DOCK7: variants seen among roughly 807,000 people sequenced by gnomAD.
DOCK7 encodes the protein dedicator of cytokinesis 7.
Under a neutral mutation model 271.0 loss-of-function variants are expected in DOCK7, and 138 were observed. That is an observed-to-expected ratio of 0.51 (90% CI 0.44 to 0.59). The LOEUF is 0.59. DOCK7 is among the 20% of genes least tolerant of loss of function. The pLI is 0.00. For synonymous variants in DOCK7, 823 were observed against 876.1 expected, an observed-to-expected ratio of 0.94 and a Z score of 1.07; for missense variants, 2,066 against 2,592.4, an observed-to-expected ratio of 0.80 and a Z score of 4.41.
At chr1:62,620,040 C>T (rs1652954936) in intron 12 of DOCK7, 47 bp from the exon 13 acceptor site, 2 of 1,494,052 alleles carry the variant, frequency 1.3e-6, no homozygotes, top group Non-Finnish European at 1.9e-6. Context: ...ACAAATATAG[C>T]CAGGCACAGT....
At chr1:62,676,850 A>T (rs903631246) in intron 1 of DOCK7, among the ~76,000 whole-genome samples, 2 of 152,250 alleles carry the variant, frequency 1.3e-5, no homozygotes, top group African/African-American at 2.4e-5. Context: ...GACAAAAGTC[A>T]AAAAGAAAAA....
chr1:62,471,211 A>G (rs926900827), intron 48 of DOCK7, among the ~76,000 whole-genome samples: 1 of 152,152 alleles, frequency 6.6e-6, no homozygotes, highest in Non-Finnish European at 1.5e-5. Context: ...GCTTCCAGTC[A>G]ATAGCAGGCT....
intron 22 of DOCK7, among the ~76,000 whole-genome samples, chr1:62,546,402 A>G (rs1254443184): frequency 6.6e-6 from 1 of 152,108 alleles, no homozygotes; most frequent in African/African-American, 2.4e-5. Flanking sequence ...TGGTGGTAAA[A>G]TAATCACCCA....
intron 29 of DOCK7, 136 bp from the exon 30 acceptor site, chr1:62,529,582 C>T: frequency 3.9e-6 from 2 of 506,488 alleles, no homozygotes; most frequent in Non-Finnish European, 6.5e-6. Flanking sequence ...TATTTGCATG[C>T]ATTCCATTCC....
chr1:62,641,663 G>A, intron 7 of DOCK7: 1 of 438,952 alleles, frequency 2.3e-6, no homozygotes. Context: ...GGCCACAATG[G>A]CCGCTGGGCA....
chr1:62,646,436 T>C (rs926417670), intron 7 of DOCK7, among the ~76,000 whole-genome samples: 2 of 152,090 alleles, frequency 1.3e-5, no homozygotes, highest in African/African-American at 4.8e-5. Context: ...ACCCCCAATG[T>C]GACTGTAATT....
chr1:62,608,486 G>A (rs1651325169), intron 14 of DOCK7: 1 of 152,118 alleles, frequency 6.6e-6, no homozygotes, highest in South Asian at 2.1e-4. Context: ...AAATATTCTA[G>A]TAAATGGCAG....
intron 16 of DOCK7, among the ~76,000 whole-genome samples, chr1:62,579,400 G>C (rs1213532470): frequency 1.3e-5 from 2 of 151,938 alleles, no homozygotes; most frequent in Non-Finnish European, 2.9e-5. Flanking sequence ...GTAAAAAAAT[G>C]GGAAAAAAGG....
chr1:62,552,685 G>C (rs1571511267), intron 22 of DOCK7, 47 bp downstream of exon 22: 1 of 1,530,654 alleles, frequency 6.5e-7, no homozygotes, highest in African/African-American at 1.4e-5. Context: ...TTTCTCGTTT[G>C]TTCACAAAAC....
rs536579207 is a variant in DOCK7, at chr1:62,552,392, G to A, written c.2766+340C>T. ...GGATCTCATGACTTGAATCAATGAT[G>A]ACATCTCTCTTCTACATATCAGTCA... On this transcript the variant is annotated intron_variant, in intron 22 of 49. Coordinates refer to ENST00000635253, the MANE Select transcript of DOCK7 (RefSeq NM_001367561.1). Among the ~76,000 whole-genome samples the A allele has an allele frequency of 1.7e-3, 261 of 152,202 alleles. 1 individual carries two copies. Among genetic ancestry groups the A allele is most frequent in the Middle Eastern group, 0.014 (4 of 294 alleles).
At chr1:62,551,286 T>C (rs1645895847) in intron 22 of DOCK7, among the ~76,000 whole-genome samples, 1 of 150,496 alleles carries the variant, frequency 6.6e-6, no homozygotes, top group Non-Finnish European at 1.5e-5. Context: ...TGGGCCATAC[T>C]GGAAGAAGAA....
In DOCK7 at chr1:62,688,200, GCGGCGCGCCCCACGCCGGATATTTAC is replaced by G; in HGVS notation, c.38+1_38+26del. On this transcript the variant is annotated splice_donor_variant and splice_donor_5th_base_variant and intron_variant, in intron 1 of 49. Transcript: ENST00000635253. LOFTEE classifies it high-confidence loss of function. The stretch of plus-strand genomic sequence containing the variant: ...CGCGGCTCTTTCTCGGGCGGCGGCG[GCGGCGCGCCCCACGCCGGATATTTAC>G]CTGCTGATCTTCTGGGCGAAGGCGC... 1 of 1,369,652 alleles carries G rather than the reference GCGGCGCGCCCCACGCCGGATATTTAC, an allele frequency of 7.3e-7. No individual in the cohort carries two copies. The highest frequency in any genetic ancestry group is 9.5e-7 in the Non-Finnish European group (1 of 1,050,434). 84.8% of individuals were successfully genotyped at this position (1,369,652 alleles called of 1,614,324 possible). A position where few individuals can be genotyped will look rare whatever the true frequency, so the allele number is the denominator to read the frequency against.
At chr1:62,482,803 C>A (rs1646166649) in intron 43 of DOCK7, 1 of 152,064 alleles carries the variant, frequency 6.6e-6, no homozygotes, top group African/African-American at 2.4e-5. Flanking sequence ...ATATTTCATC[C>A]TCTACTGCAA....
Position 62,493,121 on chromosome 1 carries a change from A to G in DOCK7, c.5218-274T>C, listed in dbSNP as rs183252870. 5.9e-5 allele frequency among the ~76,000 whole-genome samples: 9 copies of G among 152,324 alleles called. No individual in the cohort carries two copies. In the East Asian group the frequency reaches 1.2e-3, roughly 20 times the overall value. ...GGGCTAAAGGAAATTGTAATATAAC[A>G]TAAGACATCTAAGGAGACATCAATA... is the stretch of plus-strand genomic sequence containing the variant. On this transcript the variant is annotated intron_variant, in intron 40 of 49. Transcript: ENST00000635253.
At chr1:62,652,713 G>T (rs1657536943) in intron 4 of DOCK7, among the ~76,000 whole-genome samples, 1 of 152,028 alleles carries the variant, frequency 6.6e-6, no homozygotes, top group African/African-American at 2.4e-5. Context: ...TCTGATTATA[G>T]GTTTCTAACA....
chr1:62,473,644 G>A (rs1645893031), intron 48 of DOCK7, among the ~76,000 whole-genome samples: 2 of 152,040 alleles, frequency 1.3e-5, no homozygotes, highest in Non-Finnish European at 2.9e-5. Context: ...GGAGTGCAGT[G>A]TACAATCATA....
At chr1:62,461,839 A>T (rs139581175) in intron 48 of DOCK7, among the ~76,000 whole-genome samples, 1 of 151,182 alleles carries the variant, frequency 6.6e-6, no homozygotes, top group African/African-American at 2.4e-5. Context: ...TGGGAGGCAG[A>T]GGCGGGCGGA....
At chr1:62,568,605 T>TA (rs549578355) in intron 18 of DOCK7, among the ~76,000 whole-genome samples, 1,771 of 46,174 alleles carry the variant, frequency 0.038, 68 homozygotes, top group Admixed American at 0.055. Context: ...GTGCCCTGCC[T>TA]AAAAAAAAAA....
intron 28 of DOCK7, 113 bp downstream of exon 28, chr1:62,537,778 G>T: frequency 1.0e-6 from 1 of 968,366 alleles, no homozygotes; most frequent in South Asian, 1.8e-5. Flanking sequence ...AAAGCACTAA[G>T]AACTGAGCCT....
Sources: allele counts gnomAD v4.1 joint callset (sites outside exome capture counted in the v4.1 genomes callset), GRCh38; gene constraint gnomAD v4.1.1; transcripts MANE v1.5; gene names NCBI Gene and HGNC (gene_info 2026-07-23, HGNC 2026-07-21).